AUTS2: variants seen among roughly 807,000 people sequenced by gnomAD.
The protein encoded by AUTS2 is autism susceptibility gene 2 protein.
Under a neutral mutation model 112.4 loss-of-function variants are expected in AUTS2, and 17 were observed. The ratio of observed to expected loss-of-function variants is 0.15; its 90% CI spans 0.10 to 0.23. The LOEUF is 0.23. Among genes scored for constraint, AUTS2 ranks in the 10% least tolerant of loss-of-function variants. The pLI is 1.00. For missense variants in AUTS2, 1,510 were observed against 1,701.6 expected, an observed-to-expected ratio of 0.89 and a Z score of 1.98; for synonymous variants, 751 against 702.7, an observed-to-expected ratio of 1.07 and a Z score of -1.09.
At chr7:70,775,503 T>C in intron 13 of AUTS2, 117 bp downstream of exon 13, 2 of 825,970 alleles carry the variant, frequency 2.4e-6, no homozygotes, top group Non-Finnish European at 3.9e-6. Context: ...GACATTGGAA[T>C]GACGGTGATT....
chr7:70,680,220 C>T (rs1185732587), intron 5 of AUTS2, among the ~76,000 whole-genome samples: 1 of 152,124 alleles, frequency 6.6e-6, no homozygotes, highest in Non-Finnish European at 1.5e-5. Flanking sequence ...ATTTATTTTT[C>T]AGCACAGAGA....
At chr7:69,677,543 G>T (rs1438196963) in intron 1 of AUTS2, among the ~76,000 whole-genome samples, 1 of 152,144 alleles carries the variant, frequency 6.6e-6, no homozygotes, top group Non-Finnish European at 1.5e-5. Context: ...TTAACAAAAG[G>T]TCTACGTGGA....
chr7:70,760,042 G>A (rs1455363366), intron 6 of AUTS2, among the ~76,000 whole-genome samples: 1 of 150,178 alleles, frequency 6.7e-6, no homozygotes, highest in African/African-American at 2.5e-5. Flanking sequence ...GTCTCACACT[G>A]TCGCCTAGGC....
At chr7:70,690,944 A>G (rs1264438034) in intron 5 of AUTS2, among the ~76,000 whole-genome samples, 1 of 152,216 alleles carries the variant, frequency 6.6e-6, no homozygotes, top group Non-Finnish European at 1.5e-5. Context: ...TTGGGTGACA[A>G]AGTGAGACCT....
At chr7:69,661,141 C>T (rs921836263) in intron 1 of AUTS2, among the ~76,000 whole-genome samples, 1 of 152,028 alleles carries the variant, frequency 6.6e-6, no homozygotes, top group Admixed American at 6.5e-5. Flanking sequence ...TCTTCCTGAT[C>T]TCTAAAAAAT....
At chr7:70,222,549 G>T (rs1417668873) in intron 4 of AUTS2, among the ~76,000 whole-genome samples, 2 of 151,090 alleles carry the variant, frequency 1.3e-5, no homozygotes, top group Non-Finnish European at 2.9e-5. Flanking sequence ...CAAGTTGTTA[G>T]AAACTAAGGA....
chr7:70,695,396 C>T (rs1402790362), intron 5 of AUTS2, among the ~76,000 whole-genome samples: 1 of 152,214 alleles, frequency 6.6e-6, no homozygotes, highest in Non-Finnish European at 1.5e-5. Context: ...CGTGGCGCTG[C>T]CCGCTCCTGG....
intron 5 of AUTS2, among the ~76,000 whole-genome samples, chr7:70,495,364 A>G (rs967039203): frequency 2.6e-5 from 4 of 151,536 alleles, no homozygotes; most frequent in African/African-American, 7.3e-5. Flanking sequence ...TCTGTTTTCG[A>G]TGTAGCTTAC....
chr7:70,711,888 C>A (rs1322055107), intron 6 of AUTS2, among the ~76,000 whole-genome samples: 6 of 152,160 alleles, frequency 3.9e-5, no homozygotes, highest in Admixed American at 3.9e-4. Flanking sequence ...TCTTTCCATG[C>A]CCCTTTACTC....
At chr7:70,235,891 C>T (rs1461231332) in intron 4 of AUTS2, among the ~76,000 whole-genome samples, 19 of 152,250 alleles carry the variant, frequency 1.2e-4, no homozygotes, top group Admixed American at 9.2e-4. Flanking sequence ...AACTCCTGAC[C>T]TCGTGGTCCG....
At chr7:70,179,076 T>C (rs1302575203) in intron 4 of AUTS2, among the ~76,000 whole-genome samples, 1 of 152,134 alleles carries the variant, frequency 6.6e-6, no homozygotes, top group South Asian at 2.1e-4. Context: ...CCAGAGTCAG[T>C]TGGAATGCAA....
In AUTS2 at chr7:70,662,854, T is replaced by C. The variant is rs192085859; in HGVS notation, c.691-35715T>C. Among the ~76,000 whole-genome samples, 234 of 152,296 alleles carry C rather than the reference T, an allele frequency of 1.5e-3. 3 individuals carry two copies. Among genetic ancestry groups the C allele is most frequent in the Non-Finnish European group, 4.3e-4 (29 of 68,038 alleles). On this transcript the variant is annotated intron_variant, in intron 5 of 18. Transcript: ENST00000342771. ...TTCTCAGTCATTGCAGTTGGTTGTT[T>C]TAGGTAAAGTAAATTGATGTTGTGT...
chr7:70,767,908 G>T, intron 9 of AUTS2, 116 bp from the exon 10 acceptor site: 1 of 938,982 alleles, frequency 1.1e-6, no homozygotes, highest in Non-Finnish European at 1.7e-6. Flanking sequence ...TATGTAATGA[G>T]GTTATGGGGT....
chr7:69,989,284 G>A (rs1798642184), intron 2 of AUTS2, among the ~76,000 whole-genome samples: 1 of 152,144 alleles, frequency 6.6e-6, no homozygotes, highest in African/African-American at 2.4e-5. Flanking sequence ...ATTACTGTTT[G>A]TCAGTTATTC....
intron 5 of AUTS2, among the ~76,000 whole-genome samples, chr7:70,494,846 A>C (rs771158550): frequency 1.3e-5 from 2 of 152,154 alleles, no homozygotes; most frequent in Non-Finnish European, 2.9e-5. Flanking sequence ...TTGGCACATA[A>C]TAGAATTTAT....
At chr7:69,700,402 T>A (rs1797756063) in intron 1 of AUTS2, among the ~76,000 whole-genome samples, 6 of 152,200 alleles carry the variant, frequency 3.9e-5, no homozygotes, top group Admixed American at 3.9e-4. Flanking sequence ...ACGGGGATTT[T>A]TTTTTTCTTT....
chr7:70,667,145 A>T (rs1807393826), intron 5 of AUTS2, among the ~76,000 whole-genome samples: 1 of 152,198 alleles, frequency 6.6e-6, no homozygotes, highest in Non-Finnish European at 1.5e-5. Flanking sequence ...TAAATTGAAG[A>T]CTACACTTGG....
chr7:69,805,650 G>A (rs567165565), intron 1 of AUTS2, among the ~76,000 whole-genome samples: 38 of 152,302 alleles, frequency 2.5e-4, no homozygotes, highest in African/African-American at 7.9e-4. Flanking sequence ...ACCAAGCAAC[G>A]CAGATCAGTT....
chr7:70,519,301 G>T (rs963114548), intron 5 of AUTS2, among the ~76,000 whole-genome samples: 2 of 152,188 alleles, frequency 1.3e-5, no homozygotes, highest in African/African-American at 2.4e-5. Context: ...ACTCCTGAAA[G>T]GATAGGATTA....
Sources: gnomAD v4.1 joint callset for allele counts (sites outside exome capture counted in the v4.1 genomes callset) on GRCh38, gnomAD v4.1.1 for gene constraint, MANE v1.5 for transcripts, NCBI Gene and HGNC (gene_info 2026-07-23, HGNC 2026-07-21) for gene names.